Variants in PITPNM3 observed in about 807,000 individuals in gnomAD.
PITPNM3 encodes the protein PITPNM family member 3.
In PITPNM3, 26 loss-of-function variants were observed where a neutral mutation model predicts 102.0. That is an observed-to-expected ratio of 0.25 (90% CI 0.19 to 0.35). The LOEUF (loss-of-function observed/expected upper bound fraction) is 0.35, where lower values mean the gene tolerates loss of function less well. Among genes scored for constraint, PITPNM3 ranks in the 10% least tolerant of loss-of-function variants. PITPNM3 has a pLI of 1.00. For missense variants in PITPNM3, 1,083 were observed against 1,346.1 expected, an observed-to-expected ratio of 0.80 and a Z score of 3.06; for synonymous variants, 578 against 558.6, an observed-to-expected ratio of 1.03 and a Z score of -0.49.
At chr17:6,526,616 A>T (rs1908850512) in intron 2 of PITPNM3, among the ~76,000 whole-genome samples, 1 of 152,238 alleles carries the variant, frequency 6.6e-6, no homozygotes, top group Admixed American at 6.5e-5. Context: ...TGGTTAGGAC[A>T]TCTCCTCCTG....
At chr17:6,531,920 T>A (rs1378954924) in intron 2 of PITPNM3, among the ~76,000 whole-genome samples, 2 of 152,142 alleles carry the variant, frequency 1.3e-5, no homozygotes, top group Non-Finnish European at 2.9e-5. Flanking sequence ...CTGGCCAGCA[T>A]GGTGAAACCC....
chr17:6,452,569 A>C lies in PITPNM3; in HGVS notation c.*2769T>G, dbSNP rs1913892624. ...ACAACACAACTTGGTTCTTTCTCCA[A>C]CTTAACCGGACAGACAAAACTGAGC... On this transcript the variant is annotated 3_prime_UTR_variant, in exon 20 of 20. Coordinates refer to ENST00000262483, the MANE Select transcript of PITPNM3 (RefSeq NM_031220.4). 1 of 152,220 alleles carries C rather than the reference A, an allele frequency of 6.6e-6. No homozygotes were observed. 9.4% of individuals were successfully genotyped at this position (152,220 alleles called of 1,614,324 possible). A position where few individuals can be genotyped will look rare whatever the true frequency, so the allele number is the denominator to read the frequency against.
chr17:6,538,887 G>A (rs760086933), intron 1 of PITPNM3, among the ~76,000 whole-genome samples: 6 of 152,136 alleles, frequency 3.9e-5, no homozygotes, highest in Non-Finnish European at 5.9e-5. Flanking sequence ...GCAGTCCTTC[G>A]AGATACCTGC....
Position 6,457,592 on chromosome 17 carries a change from A to G in PITPNM3, c.2619+2T>C. 1 of 1,586,900 alleles carries G rather than the reference A, an allele frequency of 6.3e-7. No individual in the cohort carries two copies. The highest frequency in any genetic ancestry group is 1.1e-5 in the South Asian group (1 of 90,122). On this transcript the variant is annotated splice_donor_variant, in intron 19 of 19. Transcript: ENST00000262483. LOFTEE classifies it high-confidence loss of function. The surrounding 1 kb of genome is among the most constrained non-coding windows in gnomAD (Gnocchi z 4.7). ...CCCGCCTCCAGCCCCGCCTCCACCCACCTGGCACTGGGTTTGGTACTTCTT... is the reference window on the plus strand; with the variant it reads ...CCCGCCTCCAGCCCCGCCTCCACCCGCCTGGCACTGGGTTTGGTACTTCTT...
intron 1 of PITPNM3, among the ~76,000 whole-genome samples, chr17:6,548,052 C>T (rs1276820113): frequency 2.0e-5 from 3 of 152,174 alleles, no homozygotes; most frequent in African/African-American, 4.8e-5. Flanking sequence ...AGACCACCAC[C>T]TCAATGAAAC....
intron 2 of PITPNM3, among the ~76,000 whole-genome samples, chr17:6,531,406 C>T (rs2150654166): frequency 6.6e-6 from 1 of 152,330 alleles, no homozygotes; most frequent in East Asian, 1.9e-4. Flanking sequence ...AGCCAGGAAC[C>T]CTGGGAAACC....
intron 6 of PITPNM3, among the ~76,000 whole-genome samples, chr17:6,482,676 T>A (rs185580994): frequency 6.6e-6 from 1 of 152,134 alleles, no homozygotes; most frequent in African/African-American, 2.4e-5. Flanking sequence ...TGGGATCTGA[T>A]GCTATCTCCA....
chr17:6,475,274 C>T (rs1008609706), intron 9 of PITPNM3, among the ~76,000 whole-genome samples: 1 of 152,186 alleles, frequency 6.6e-6, no homozygotes, highest in African/African-American at 2.4e-5. Flanking sequence ...GAATTCCAAC[C>T]ATTTCCAACC....
chr17:6,503,463 G>T (rs1907306573), intron 4 of PITPNM3, 64 bp downstream of exon 4: 1 of 1,553,148 alleles, frequency 6.4e-7, no homozygotes, highest in Non-Finnish European at 8.9e-7. Context: ...AGGGGACCCA[G>T]GCTCAATGAG....
Position 6,463,785 on chromosome 17 carries a change from C to T in PITPNM3, c.2253G>A (p.Val751=). 1 of 1,612,910 alleles carries T rather than the reference C, an allele frequency of 6.2e-7. No homozygotes were observed. Among genetic ancestry groups the T allele is most frequent in the Non-Finnish European group, 8.5e-7 (1 of 1,179,878 alleles). ...FSIDGSFAAS[V]SIMGSDPKVR... ...CCTTGGGGTCGCTTCCCATGATAGA[C>T]ACGCTGGCCGCGAAGGACCCATCAA... The change falls in exon 17 of 20, where the codon GTG becomes GTA. Residue 751 remains valine (V), a synonymous_variant. Transcript: ENST00000262483.
intron 2 of PITPNM3, among the ~76,000 whole-genome samples, chr17:6,536,452 C>A (rs968840774): frequency 2.6e-5 from 4 of 152,202 alleles, no homozygotes; most frequent in African/African-American, 7.2e-5. Flanking sequence ...AAATTCAGCC[C>A]CAGCAGCCAC....
intron 1 of PITPNM3, among the ~76,000 whole-genome samples, chr17:6,554,900 G>A (rs1910518220): frequency 6.6e-6 from 1 of 152,230 alleles, no homozygotes; most frequent in Admixed American, 6.5e-5. Context: ...CATAGAACAA[G>A]CAGCAAATGT....
At chr17:6,483,799 C>T (rs754889428) in intron 5 of PITPNM3, 47 bp from the exon 6 acceptor site, 117 of 1,547,114 alleles carry the variant, frequency 7.6e-5, no homozygotes, top group Non-Finnish European at 8.5e-5. Context: ...CGGCTGGGGT[C>T]GGGGGAGGCA....
rs1003697618 is a variant in PITPNM3, at chr17:6,469,507, C to T, written c.1773+753G>A. Among the ~76,000 whole-genome samples the T allele has an allele frequency of 3.9e-5, 6 of 152,128 alleles. No homozygotes were observed. The highest frequency in any genetic ancestry group is 3.3e-4 in the Admixed American group (5 of 15,274). On this transcript the variant is annotated intron_variant, in intron 13 of 19. Transcript: ENST00000262483. The surrounding 1 kb of genome is among the most constrained non-coding windows in gnomAD (Gnocchi z 4.0). ...GCAGGACACAGAACCACCTTAGTCA[C>T]TCAAGTGGGAAACAGGACGTACTGG...
In PITPNM3 at chr17:6,455,053, T is replaced by C. The variant is rs1914023852; in HGVS notation, c.*285A>G. 2 of 478,086 alleles carry C rather than the reference T, an allele frequency of 4.2e-6. No individual in the cohort carries two copies. Among genetic ancestry groups the C allele is most frequent in the East Asian group, 3.6e-5 (1 of 27,850 alleles). The allele number at this position is 478,086 out of a possible 1,614,324, so 29.6% of individuals were successfully genotyped here. ...CAAACGCTTCAGCCCCGGGCAAGCCTGCCCCCAGGATGACACAAACATGAA... is the reference window on the plus strand; with the variant it reads ...CAAACGCTTCAGCCCCGGGCAAGCCCGCCCCCAGGATGACACAAACATGAA... On this transcript the variant is annotated 3_prime_UTR_variant, in exon 20 of 20. Coordinates refer to ENST00000262483, the MANE Select transcript of PITPNM3 (RefSeq NM_031220.4).
intron 4 of PITPNM3, among the ~76,000 whole-genome samples, chr17:6,495,314 C>G (rs1459495543): frequency 2.0e-5 from 3 of 152,080 alleles, no homozygotes; most frequent in Non-Finnish European, 4.4e-5. Context: ...TATCTTCTCC[C>G]AGCTCTGGCT....
intron 3 of PITPNM3, among the ~76,000 whole-genome samples, chr17:6,520,844 G>A (rs921598351): frequency 2.6e-5 from 4 of 152,182 alleles, no homozygotes; most frequent in Admixed American, 6.5e-5. Context: ...CAAGATGAAC[G>A]AACCTCGAAA....
At chr17:6,550,532 AG>A (rs1366680393) in intron 1 of PITPNM3, among the ~76,000 whole-genome samples, 1 of 152,194 alleles carries the variant, frequency 6.6e-6, no homozygotes, top group Non-Finnish European at 1.5e-5. Context: ...TGTCCTTGAA[AG>A]GGGAAAGGAT....
Position 6,478,519 on chromosome 17 carries a change from G to A in PITPNM3, c.777+28C>T. The A allele has an allele frequency of 1.9e-6, 3 of 1,611,956 alleles. No individual in the cohort carries two copies. The highest frequency in any genetic ancestry group is 2.5e-6 in the Non-Finnish European group (3 of 1,178,328). On this transcript the variant is annotated intron_variant, in intron 7 of 19. Coordinates refer to ENST00000262483, the MANE Select transcript of PITPNM3 (RefSeq NM_031220.4). This position sits in a 1 kb window ranked among gnomAD's most constrained non-coding sequence, Gnocchi z 4.4. ...AGGCCGGGGCCGGAACAGGGGAGGG[G>A]AGAGGAGGAGAGGGCAGGCTGTCCT... is the stretch of plus-strand genomic sequence containing the variant.
Sources: gnomAD v4.1 joint callset for allele counts (sites outside exome capture counted in the v4.1 genomes callset) on GRCh38, gnomAD v4.1.1 for gene constraint, Gnocchi (gnomAD v3.1) non-coding constraint, MANE v1.5 for transcripts, NCBI Gene and HGNC (gene_info 2026-07-23, HGNC 2026-07-21) for gene names.